SYNDIG1: variants seen among roughly 807,000 people sequenced by gnomAD.
The protein encoded by SYNDIG1 is synapse differentiation-inducing gene protein 1.
In SYNDIG1, 9 loss-of-function variants were observed where a neutral mutation model predicts 19.4. The observed-to-expected ratio is 0.46, with a 90% CI of 0.28 to 0.81. The LOEUF (loss-of-function observed/expected upper bound fraction) is 0.81. Ranked by LOEUF, SYNDIG1 falls within the 30% of genes least tolerant of loss-of-function variation. The pLI is 0.12. For synonymous variants in SYNDIG1, 141 were observed against 145.9 expected (o/e 0.97, Z 0.24); for missense variants, 311 against 343.3 (o/e 0.91, Z 0.74).
chr20:24,550,986 T>C (rs1352226741), intron 2 of SYNDIG1, among the ~76,000 whole-genome samples: 1 of 152,238 alleles, frequency 6.6e-6, no homozygotes, highest in African/African-American at 2.4e-5. Context: ...TTGTGCCATC[T>C]TTTCTGGGCT....
chr20:24,591,065 T>A (rs983524663), intron 3 of SYNDIG1, among the ~76,000 whole-genome samples: 2 of 139,030 alleles, frequency 1.4e-5, no homozygotes, highest in African/African-American at 5.5e-5. Context: ...CTCATTGAGC[T>A]TTATTTACAC....
intron 1 of SYNDIG1, among the ~76,000 whole-genome samples, chr20:24,511,564 C>T (rs1384233519): frequency 6.6e-6 from 1 of 152,104 alleles, no homozygotes; most frequent in Non-Finnish European, 1.5e-5. Context: ...GGACCCAGGC[C>T]CTGTCTCCTC....
intron 2 of SYNDIG1, among the ~76,000 whole-genome samples, chr20:24,556,091 G>T (rs2057809717): frequency 6.6e-6 from 1 of 151,978 alleles, no homozygotes; most frequent in Admixed American, 6.6e-5. Context: ...ATCTTTGTTG[G>T]TTTAAAGTCT....
At chr20:24,579,853 C>T (rs1452272980) in intron 2 of SYNDIG1, among the ~76,000 whole-genome samples, 2 of 152,216 alleles carry the variant, frequency 1.3e-5, no homozygotes, top group African/African-American at 2.4e-5. Context: ...CACTCTTGCT[C>T]ACAAAGCTGC....
chr20:24,654,936 G>T (rs2059510108), intron 3 of SYNDIG1, among the ~76,000 whole-genome samples: 1 of 152,182 alleles, frequency 6.6e-6, no homozygotes, highest in South Asian at 2.1e-4. Context: ...TTTCCCAACT[G>T]TCAGTCAAAC....
intron 3 of SYNDIG1, among the ~76,000 whole-genome samples, chr20:24,661,583 GAGATGGGAATAAAAAGTAAGGA>G (rs2059603645): frequency 8.0e-6 from 1 of 125,508 alleles, no homozygotes; most frequent in East Asian, 2.6e-4. Flanking sequence ...AGGGAGGAGG[GAGATGGGAATAAAAAGTAAGGA>G]AGGGAGGAGG....
At chr20:24,653,851 G>T (rs1428734943) in intron 3 of SYNDIG1, among the ~76,000 whole-genome samples, 2 of 152,170 alleles carry the variant, frequency 1.3e-5, no homozygotes, top group African/African-American at 4.8e-5. Flanking sequence ...TCATCCCTCG[G>T]TGTGGTCTGT....
chr20:24,569,817 G>A (rs1363662015), intron 2 of SYNDIG1, among the ~76,000 whole-genome samples: 1 of 152,120 alleles, frequency 6.6e-6, no homozygotes, highest in Non-Finnish European at 1.5e-5. Flanking sequence ...AGCGATGGGT[G>A]GATAAGAGGA....
At chr20:24,640,154 T>C (rs961470556) in intron 3 of SYNDIG1, among the ~76,000 whole-genome samples, 2 of 151,888 alleles carry the variant, frequency 1.3e-5, no homozygotes, top group African/African-American at 2.4e-5. Context: ...GTCAACATGG[T>C]AAAACCCCAT....
intron 3 of SYNDIG1, among the ~76,000 whole-genome samples, chr20:24,647,137 T>C (rs373383925): frequency 6.6e-6 from 1 of 152,224 alleles, no homozygotes; most frequent in African/African-American, 2.4e-5. Context: ...CACATTCTTG[T>C]TAGCTTGCAC....
At chr20:24,547,652 C>T (rs1321449419) in intron 2 of SYNDIG1, among the ~76,000 whole-genome samples, 1 of 152,166 alleles carries the variant, frequency 6.6e-6, no homozygotes, top group Non-Finnish European at 1.5e-5. Context: ...TGTCCGACAG[C>T]CCAGGCCTCT....
intron 2 of SYNDIG1, among the ~76,000 whole-genome samples, chr20:24,582,940 C>T (rs529467836): frequency 6.6e-6 from 1 of 152,320 alleles, no homozygotes; most frequent in East Asian, 1.9e-4. Flanking sequence ...GGTGGAGTGG[C>T]ACTTCAGGTC....
At chr20:24,559,474 C>T (rs2057893385) in intron 2 of SYNDIG1, among the ~76,000 whole-genome samples, 2 of 152,130 alleles carry the variant, frequency 1.3e-5, no homozygotes, top group African/African-American at 4.8e-5. Context: ...GATCTATAAG[C>T]CTTAAACAAA....
At chr20:24,475,082 A>C (rs77814203) in intron 1 of SYNDIG1, among the ~76,000 whole-genome samples, 3 of 152,246 alleles carry the variant, frequency 2.0e-5, no homozygotes, top group Non-Finnish European at 2.9e-5. Context: ...CTCTTCTGTC[A>C]TGAGTACAAT....
intron 3 of SYNDIG1, among the ~76,000 whole-genome samples, chr20:24,622,699 A>T (rs1364810918): frequency 6.6e-6 from 1 of 152,218 alleles, no homozygotes; most frequent in Non-Finnish European, 1.5e-5. Context: ...GTTTTCCATG[A>T]AATTGGTCCC....
intron 2 of SYNDIG1, among the ~76,000 whole-genome samples, chr20:24,560,258 A>G (rs960305288): frequency 5.3e-5 from 8 of 150,558 alleles, no homozygotes; most frequent in African/African-American, 9.8e-5. Context: ...TTTAGTAGAG[A>G]CAGGGTTCCA....
chr20:24,657,879 G>A lies in SYNDIG1; in HGVS notation c.619-7467G>A, dbSNP rs79923428. 6.6e-5 allele frequency among the ~76,000 whole-genome samples: 10 copies of A among 152,130 alleles called. No homozygotes were observed. The South Asian group carries it at 1.7e-3, about 25-fold the overall frequency. ...AATGTAATCCAGCCAGACAGGTATC[G>A]GTACTGGAAAGAAAATGAACCATAA... On this transcript the variant is annotated intron_variant, in intron 3 of 3. Transcript: ENST00000376862.
intron 1 of SYNDIG1, among the ~76,000 whole-genome samples, chr20:24,525,087 T>C (rs1442108895): frequency 2.0e-5 from 3 of 152,176 alleles, no homozygotes; most frequent in African/African-American, 7.2e-5. Context: ...ATTTAGTTTC[T>C]CAATGATCCT....
At chr20:24,513,597 C>A (rs551674653) in intron 1 of SYNDIG1, among the ~76,000 whole-genome samples, 13 of 152,216 alleles carry the variant, frequency 8.5e-5, no homozygotes, top group Non-Finnish European at 1.9e-4. Flanking sequence ...AAGAAACAAA[C>A]AAAGCCTCCA....
Sources: gnomAD v4.1 joint callset for allele counts (sites outside exome capture counted in the v4.1 genomes callset) on GRCh38, gnomAD v4.1.1 for gene constraint, MANE v1.5 for transcripts, NCBI Gene and HGNC (gene_info 2026-07-23, HGNC 2026-07-21) for gene names.